Variants in EFL1 observed in about 807,000 individuals in gnomAD.
The protein encoded by EFL1 is elongation factor like GTPase 1, also known as elongation factor-like GTPase 1.
Under a neutral mutation model 126.7 loss-of-function variants are expected in EFL1, and 76 were observed. The observed-to-expected ratio is 0.60, with a 90% CI of 0.50 to 0.73. The LOEUF (loss-of-function observed/expected upper bound fraction) is 0.73, where lower values mean the gene tolerates loss of function less well. EFL1 is among the 30% of genes least tolerant of loss of function. EFL1 has a pLI of 0.00. For synonymous variants in EFL1, 410 were observed against 448.4 expected (o/e 0.91, Z 1.08); for missense variants, 1,128 against 1,343.2 (o/e 0.84, Z 2.50).
At position 82,219,681 on chromosome 15, in the gene EFL1, T is replaced by G; in HGVS notation, c.1582A>C (p.Lys528Gln). 6 of 1,613,548 alleles carry G rather than the reference T, an allele frequency of 3.7e-6. No homozygotes were observed. The highest frequency in any genetic ancestry group is 5.1e-6 in the Non-Finnish European group (6 of 1,179,766). Residue 528 changes from lysine (K) to glutamine (Q), a missense_variant, in exon 14 of 20, where the codon AAA becomes CAA. Lys to Gln is a moderately conservative substitution (Grantham distance 53, BLOSUM62 1). Around this residue, in one of 6 missense-constraint regions of EFL1, gnomAD observed 120 missense variants for 142.1 expected, o/e 0.84. Coordinates refer to ENST00000268206, the MANE Select transcript of EFL1 (RefSeq NM_024580.6). ...RGKKIFVLGP[K>Q]YSPLEFLRRV... ...CGTAAAAACTCAAGAGGACTGTATT[T>G]GGGCCCCAAGACAAAAATTTTCTTT...
chr15:82,212,465 T>C (rs1282133988), intron 15 of EFL1, among the ~76,000 whole-genome samples: 3 of 152,256 alleles, frequency 2.0e-5, no homozygotes, highest in Non-Finnish European at 4.4e-5. Flanking sequence ...TTTGGTATAC[T>C]CATGCTTCCT....
chr15:82,191,721 T>G (rs1190499977), intron 15 of EFL1, among the ~76,000 whole-genome samples: 1 of 152,140 alleles, frequency 6.6e-6, no homozygotes, highest in African/African-American at 2.4e-5. Flanking sequence ...TTTGGTCAAG[T>G]GCCACAGTTT....
chr15:82,204,596 G>A (rs1451104651), intron 15 of EFL1, among the ~76,000 whole-genome samples: 3 of 152,154 alleles, frequency 2.0e-5, no homozygotes, highest in Non-Finnish European at 4.4e-5. Context: ...TTCCTAACCT[G>A]CATGAAACCA....
At chr15:82,142,274 G>T (rs186570521) in intron 18 of EFL1, among the ~76,000 whole-genome samples, 1 of 152,306 alleles carries the variant, frequency 6.6e-6, no homozygotes, top group Admixed American at 6.5e-5. Flanking sequence ...GGAGGCAGAG[G>T]TGGGAGGAAC....
intron 15 of EFL1, among the ~76,000 whole-genome samples, chr15:82,181,560 T>A (rs985171719): frequency 1.3e-5 from 2 of 152,146 alleles, no homozygotes; most frequent in Non-Finnish European, 2.9e-5. Context: ...TCACTCTTCA[T>A]CGGGAAAGTA....
chr15:82,219,022 C>A (rs150712303), intron 14 of EFL1, among the ~76,000 whole-genome samples: 1 of 152,272 alleles, frequency 6.6e-6, no homozygotes, highest in African/African-American at 2.4e-5. Flanking sequence ...TTGTGCTGAT[C>A]CAGACTGGCT....
intron 8 of EFL1, among the ~76,000 whole-genome samples, chr15:82,229,901 A>G (rs760801293): frequency 6.6e-6 from 1 of 152,228 alleles, no homozygotes; most frequent in Non-Finnish European, 1.5e-5. Context: ...ATCCTATGAG[A>G]TAAGTGCTAT....
At chr15:82,138,107 A>C (rs976442181) in intron 19 of EFL1, among the ~76,000 whole-genome samples, 4 of 152,154 alleles carry the variant, frequency 2.6e-5, no homozygotes, top group African/African-American at 4.8e-5. Flanking sequence ...AAGGGTTCTG[A>C]GTAGCCATTT....
chr15:82,137,568 G>T (rs1260812988), intron 19 of EFL1, among the ~76,000 whole-genome samples: 5 of 152,142 alleles, frequency 3.3e-5, no homozygotes, highest in Admixed American at 3.3e-4. Context: ...CTCAGGGAGG[G>T]TCCATGATTT....
chr15:82,172,330 C>T (rs2074145093), intron 15 of EFL1, among the ~76,000 whole-genome samples: 1 of 152,178 alleles, frequency 6.6e-6, no homozygotes, highest in African/African-American at 2.4e-5. Context: ...TTGTATATCC[C>T]AGAGCAGTGT....
At chr15:82,194,623 C>G (rs1044063157) in intron 15 of EFL1, among the ~76,000 whole-genome samples, 2 of 152,184 alleles carry the variant, frequency 1.3e-5, no homozygotes, top group African/African-American at 4.8e-5. Flanking sequence ...AGGGTGACCA[C>G]ATAGAACTTA....
At chr15:82,185,278 T>C (rs1335616579) in intron 15 of EFL1, among the ~76,000 whole-genome samples, 1 of 148,492 alleles carries the variant, frequency 6.7e-6, no homozygotes, top group East Asian at 2.0e-4. Context: ...CAAATTAAAG[T>C]TAAAATTGTA....
At chr15:82,178,913 A>C (rs1007943568) in intron 15 of EFL1, among the ~76,000 whole-genome samples, 1 of 152,128 alleles carries the variant, frequency 6.6e-6, no homozygotes, top group African/African-American at 2.4e-5. Context: ...AGGCTGAGGA[A>C]GGAGGCCCAG....
chr15:82,161,940 C>G (rs2074027733), intron 16 of EFL1, among the ~76,000 whole-genome samples: 1 of 152,130 alleles, frequency 6.6e-6, no homozygotes, highest in South Asian at 2.1e-4. Context: ...TAGCACATAA[C>G]CATAACAGAG....
chr15:82,234,498 T>G (rs1384052253), intron 7 of EFL1, among the ~76,000 whole-genome samples: 1 of 152,150 alleles, frequency 6.6e-6, no homozygotes, highest in African/African-American at 2.4e-5. Context: ...GTATCATCTT[T>G]CGGGCATCAA....
intron 15 of EFL1, among the ~76,000 whole-genome samples, chr15:82,182,824 CAA>C (rs60825600): frequency 1.5e-5 from 2 of 136,424 alleles, no homozygotes; most frequent in Admixed American, 7.3e-5. Context: ...GACTCCGTCT[CAA>C]AAAAAAAAAA....
rs779668775 is a variant in EFL1, at chr15:82,228,310, T to C, written c.950A>G (p.Asp317Gly). ...TAATCCTAAAGAAGTCACTATTTTA[T>C]CAATTTTGTCTTTGTCCCTGTGGTA... ...AVLKKDKDKI[D>G]KIVTSLGLKI... is the part of the protein sequence containing the mutation. The change falls in exon 10 of 20, where the codon GAT becomes GGT. Residue 317 changes from aspartate to glycine, a missense_variant. By Grantham distance (94) the Asp-to-Gly change is moderately conservative. Transcript: ENST00000268206. 6.2e-6 allele frequency: 10 copies of C among 1,613,704 alleles called. No individual in the cohort carries two copies. The Admixed American group carries it at 1.2e-4, about 19-fold the overall frequency.
chr15:82,151,672 G>C lies in EFL1; in HGVS notation c.2782C>G (p.Gln928Glu). The stretch of plus-strand genomic sequence containing the variant: ...TCAGAGCAGCCATCTTGTAGCTCTT[G>C]GTTTTCATTTCCACCAGAACAGGTT... Reference protein sequence around the residue: ...NETCSGGNENQELQDGCSEAF... With the variant: ...NETCSGGNENEELQDGCSEAF... The change falls in exon 18 of 20, where the codon CAA (glutamine) becomes GAA (glutamate). Residue 928 changes from glutamine (Q) to glutamate (E), a missense_variant. Physicochemically the swap from Gln to Glu is conservative, Grantham distance 29. Around this residue, in one of 6 missense-constraint regions of EFL1, gnomAD observed 561 missense variants for 641.7 expected, o/e 0.87. Transcript: ENST00000268206. The C allele has an allele frequency of 6.2e-7, 1 of 1,614,112 alleles. No homozygotes were observed. Among genetic ancestry groups the C allele is most frequent in the South Asian group, 1.1e-5 (1 of 91,070 alleles).
chr15:82,189,731 A>C (rs2074338853), intron 15 of EFL1, among the ~76,000 whole-genome samples: 2 of 152,208 alleles, frequency 1.3e-5, no homozygotes, highest in Non-Finnish European at 2.9e-5. Flanking sequence ...TTCCCAGTAT[A>C]AACACACACA....
Sources: allele counts gnomAD v4.1 joint callset (sites outside exome capture counted in the v4.1 genomes callset), GRCh38; gene constraint gnomAD v4.1.1; regional missense constraint gnomAD v4.1.1; transcripts MANE v1.5; gene names NCBI Gene and HGNC (gene_info 2026-07-23, HGNC 2026-07-21).